The following SOD2 variants were observed in gnomAD, a reference collection of about 807,000 sequenced individuals.
SOD2 encodes the protein superoxide dismutase 2.
SOD2 carries 11 observed loss-of-function variants against 27.0 expected under a neutral mutation model. The observed-to-expected ratio is 0.41, with a 90% CI of 0.26 to 0.67. The LOEUF is 0.67. Among genes scored for constraint, SOD2 ranks in the 30% least tolerant of loss-of-function variants. The pLI is 0.34. For missense variants in SOD2, 250 were observed against 274.5 expected (o/e 0.91, Z 0.63); for synonymous variants, 105 against 103.0 (o/e 1.02, Z -0.12).
At chr6:159,734,701 G>A (rs550285573) in intron 1 of SOD2, among the ~76,000 whole-genome samples, 16 of 152,150 alleles carry the variant, frequency 1.1e-4, no homozygotes, top group Non-Finnish European at 2.2e-4. Flanking sequence ...TACTTAATTT[G>A]TATAAGTTAT....
intron 1 of SOD2, chr6:159,741,495 C>G (rs180684924): frequency 1.6e-4 from 25 of 152,124 alleles, no homozygotes; most frequent in African/African-American, 5.8e-4. Flanking sequence ...CATATGAAAG[C>G]AGCAGTGGGA....
chr6:159,728,030 GT>G, upstream of SOD2, among the ~76,000 whole-genome samples: 1 of 152,362 alleles, frequency 6.6e-6, no homozygotes, highest in East Asian at 1.9e-4. Context: ...TCGCCTCGGG[GT>G]CGCCCCCTTC....
At chr6:159,734,345 C>A (rs1384698091) in intron 1 of SOD2, among the ~76,000 whole-genome samples, 3 of 149,110 alleles carry the variant, frequency 2.0e-5, no homozygotes, top group Admixed American at 6.7e-5. Context: ...CCACAGCACT[C>A]CAGCCTGGCA....
intron 1 of SOD2, among the ~76,000 whole-genome samples, chr6:159,750,551 A>G (rs1253822417): frequency 1.3e-5 from 2 of 152,230 alleles, no homozygotes; most frequent in East Asian, 3.8e-4. Context: ...ATTTCTATGC[A>G]TATACAGTTA....
intron 3 of SOD2, 69 bp downstream of exon 3, chr6:159,688,057 T>G: frequency 1.1e-6 from 1 of 888,372 alleles, no homozygotes; most frequent in South Asian, 1.4e-5. Context: ...ATAAGGTAAC[T>G]TCAGTAAATC....
In SOD2 at chr6:159,693,241, T is replaced by G; in HGVS notation, c.-74A>C. On this transcript the variant is annotated 5_prime_UTR_variant, in exon 1 of 5. Coordinates refer to ENST00000538183, the MANE Select transcript of SOD2 (RefSeq NM_000636.4). ...CTGCCGAAGCCACCACAGCCACGAGTGCCGCTCCTGCGCCGCCCGCGGGCC... is the reference window on the plus strand; with the variant it reads ...CTGCCGAAGCCACCACAGCCACGAGGGCCGCTCCTGCGCCGCCCGCGGGCC... 1 of 1,391,476 alleles carries G rather than the reference T, an allele frequency of 7.2e-7. No individual in the cohort carries two copies. The highest frequency in any genetic ancestry group is 9.8e-7 in the Non-Finnish European group (1 of 1,025,358). 86.2% of individuals were successfully genotyped at this position (1,391,476 alleles called of 1,614,324 possible).
chr6:159,682,725 T>A, intron 4 of SOD2, 87 bp from the exon 5 acceptor site: 1 of 1,319,264 alleles, frequency 7.6e-7, no homozygotes. Flanking sequence ...ATTATTCTAC[T>A]CACACAAAAT....
intron 2 of SOD2, among the ~76,000 whole-genome samples, chr6:159,690,515 A>C (rs1780410338): frequency 6.6e-6 from 1 of 152,148 alleles, no homozygotes; most frequent in Non-Finnish European, 1.5e-5. Context: ...CCAGTTGTTT[A>C]GCGATTCAGA....
chr6:159,720,747 T>G (rs1208236585), intron 1 of SOD2, among the ~76,000 whole-genome samples: 1 of 151,742 alleles, frequency 6.6e-6, no homozygotes, highest in Non-Finnish European at 1.5e-5. Context: ...GTATTCTCTG[T>G]AAACTGGAGG....
intron 1 of SOD2, among the ~76,000 whole-genome samples, chr6:159,734,442 T>G (rs1266042627): frequency 9.9e-5 from 15 of 152,030 alleles, no homozygotes; most frequent in Non-Finnish European, 1.9e-4. Context: ...AGTTTAGAAT[T>G]TATAATAAGT....
chr6:159,735,299 G>A (rs572515410), intron 1 of SOD2, among the ~76,000 whole-genome samples: 3 of 151,900 alleles, frequency 2.0e-5, no homozygotes, highest in Admixed American at 6.6e-5. Flanking sequence ...CCACTACGCC[G>A]GGCTAATTTT....
chr6:159,697,823 G>C (rs1777450997), upstream of SOD2, among the ~76,000 whole-genome samples: 1 of 152,226 alleles, frequency 6.6e-6, no homozygotes, highest in African/African-American at 2.4e-5. Context: ...AGTGTCAGGG[G>C]TGCTGGTCCC....
intron 2 of SOD2, chr6:159,691,454 GTC>G (rs1777183651): frequency 6.6e-6 from 1 of 152,094 alleles, no homozygotes; most frequent in Admixed American, 6.6e-5. Flanking sequence ...AGATGTGACT[GTC>G]TAAAAATTAC....
At chr6:159,723,115 G>C (rs1411142798) in intron 1 of SOD2, among the ~76,000 whole-genome samples, 1 of 152,124 alleles carries the variant, frequency 6.6e-6, no homozygotes, top group Non-Finnish European at 1.5e-5. Flanking sequence ...GCATGCCTTT[G>C]AACCTCTGCT....
In SOD2 at chr6:159,677,445, G is replaced by A. The variant is rs1779803314; in HGVS notation, c.*5048C>T. ...ACATCCCTTTCCAAATAGTATGCCA[G>A]TACTATACCAAATAGTATACCACTT... On this transcript the variant is annotated 3_prime_UTR_variant, in exon 5 of 5. Transcript: ENST00000538183. 1 of 152,220 alleles carries A rather than the reference G, an allele frequency of 6.6e-6. No homozygotes were observed. The highest frequency in any genetic ancestry group is 2.4e-5 in the African/African-American group (1 of 41,456). 9.4% of individuals were successfully genotyped at this position (152,220 alleles called of 1,614,324 possible).
chr6:159,748,076 A>AGGG (rs1779682845), upstream of SOD2: 8 of 1,272,846 alleles, frequency 6.3e-6, no homozygotes, highest in South Asian at 1.1e-4. This position sits in a 1 kb window ranked among gnomAD's most constrained non-coding sequence, Gnocchi z 5.6. Context: ...AGGATCAAAG[A>AGGG]GGGGAGGAGC....
At chr6:159,712,860 T>G (rs112245717) in intron 1 of SOD2, 7 of 621,534 alleles carry the variant, frequency 1.1e-5, no homozygotes, top group African/African-American at 9.1e-5. Context: ...TGCTGTAGAT[T>G]CAAGAAAAGT....
chr6:159,705,582 A>G (rs2114813058), intron 1 of SOD2, among the ~76,000 whole-genome samples: 1 of 152,332 alleles, frequency 6.6e-6, no homozygotes, highest in South Asian at 2.1e-4. Context: ...AAAAGAGTAA[A>G]AAGAAACAAA....
At chr6:159,753,374 T>C (rs765209751) in intron 1 of SOD2, 2 of 1,556,072 alleles carry the variant, frequency 1.3e-6, no homozygotes, top group Non-Finnish European at 1.8e-6. Flanking sequence ...TATGTTTGTA[T>C]GTGTTACATC....
Sources: allele counts gnomAD v4.1 joint callset (sites outside exome capture counted in the v4.1 genomes callset), GRCh38; gene constraint gnomAD v4.1.1; non-coding constraint Gnocchi (gnomAD v3.1); transcripts MANE v1.5; gene names NCBI Gene and HGNC (gene_info 2026-07-23, HGNC 2026-07-21).